Variants in KCNH1 observed in about 807,000 individuals in gnomAD.
KCNH1 encodes the protein voltage-gated delayed rectifier potassium channel KCNH1.
Under a neutral mutation model 69.2 loss-of-function variants are expected in KCNH1, and 27 were observed. The observed-to-expected ratio is 0.39, with a 90% CI of 0.29 to 0.54. The LOEUF (loss-of-function observed/expected upper bound fraction) is 0.54. Ranked by LOEUF, KCNH1 falls within the 20% of genes least tolerant of loss-of-function variation. The pLI, the probability that KCNH1 is intolerant of heterozygous loss-of-function variation, is 0.68. For synonymous variants in KCNH1, 456 were observed against 487.7 expected (o/e 0.93, Z 0.86); for missense variants, 798 against 1,261.6 (o/e 0.63, Z 5.57).
At chr1:210,818,709 A>C (rs762659556) in intron 7 of KCNH1, among the ~76,000 whole-genome samples, 2 of 152,216 alleles carry the variant, frequency 1.3e-5, no homozygotes, top group Non-Finnish European at 2.9e-5. Flanking sequence ...TCCCAGAACC[A>C]ACACATAAGA....
chr1:211,103,859 G>A (rs968535321), intron 2 of KCNH1, among the ~76,000 whole-genome samples: 1 of 152,220 alleles, frequency 6.6e-6, no homozygotes, highest in Non-Finnish European at 1.5e-5. Context: ...TTAGAGAACA[G>A]TGTGATCACT....
intron 7 of KCNH1, among the ~76,000 whole-genome samples, chr1:210,844,366 C>T (rs1685491560): frequency 1.3e-5 from 2 of 152,004 alleles, no homozygotes; most frequent in African/African-American, 4.8e-5. Flanking sequence ...ACTAAAAATA[C>T]AAAAAAATTA....
intron 6 of KCNH1, among the ~76,000 whole-genome samples, chr1:210,943,322 T>C (rs1207488064): frequency 1.3e-5 from 2 of 151,738 alleles, no homozygotes; most frequent in African/African-American, 4.8e-5. Context: ...TCTCCCCTTC[T>C]TTTTTTTATT....
In KCNH1 at chr1:210,979,222, G is replaced by A. The variant is rs1688668941; in HGVS notation, c.1032+39561C>T. ...CGATGCTAACAAAGCTGTAGTAGGA[G>A]GAGGGAAAATGAGAGGAATCTCAAG... On this transcript the variant is annotated intron_variant, in intron 6 of 10. Transcript: ENST00000271751. Among the ~76,000 whole-genome samples, 6 of 152,294 alleles carry A rather than the reference G, an allele frequency of 3.9e-5. No individual in the cohort carries two copies. The South Asian group carries it at 1.2e-3, about 32-fold the overall frequency.
At chr1:211,033,797 G>A (rs530828045) in intron 5 of KCNH1, among the ~76,000 whole-genome samples, 21 of 152,214 alleles carry the variant, frequency 1.4e-4, no homozygotes, top group African/African-American at 4.6e-4. Context: ...ATAGCATTAG[G>A]AGATATACCT....
At position 210,683,934 on chromosome 1, in the gene KCNH1, T is replaced by G; in HGVS notation, c.2317A>C (p.Thr773Pro). The part of the protein sequence containing the change: ...DLDVEKGNVL[T>P]EHASANHSLV... ...CTGTGGTTGGCGGAGGCATGCTCTG[T>G]AAGGACATTGCCCTTCTCCACATCT... Residue 773 changes from threonine to proline, a missense_variant, in exon 11 of 11, where the codon ACA (threonine) becomes CCA (proline). Physicochemically the swap from Thr to Pro is conservative, Grantham distance 38 (BLOSUM62 -1). Around this residue, in one of 4 missense-constraint regions of KCNH1, gnomAD observed 331 missense variants for 363.2 expected, o/e 0.91. Coordinates refer to ENST00000271751, the MANE Select transcript of KCNH1 (RefSeq NM_172362.3). This position sits in a 1 kb window ranked among gnomAD's most constrained non-coding sequence, Gnocchi z 5.7. The G allele has an allele frequency of 6.2e-7, 1 of 1,610,716 alleles. No homozygotes were observed. Among genetic ancestry groups the G allele is most frequent in the African/African-American group, 1.3e-5 (1 of 74,972 alleles).
intron 7 of KCNH1, among the ~76,000 whole-genome samples, chr1:210,874,025 C>T (rs1360758961): frequency 3.3e-5 from 5 of 152,070 alleles, no homozygotes; most frequent in South Asian, 2.1e-4. Flanking sequence ...GCCCTGCGCA[C>T]GTGACATAAT....
chr1:210,761,056 T>A (rs2102350760), intron 10 of KCNH1, among the ~76,000 whole-genome samples: 1 of 150,864 alleles, frequency 6.6e-6, no homozygotes, highest in Non-Finnish European at 1.5e-5. Context: ...ATCGAGACCA[T>A]CCCGGCTAAA....
chr1:210,912,556 C>G (rs1010599770), intron 7 of KCNH1, among the ~76,000 whole-genome samples: 61 of 152,296 alleles, frequency 4.0e-4, no homozygotes, highest in African/African-American at 1.3e-3. Flanking sequence ...AGCTGAGAAA[C>G]ATCATTGTTT....
At chr1:210,832,829 A>C (rs1367960006) in intron 7 of KCNH1, among the ~76,000 whole-genome samples, 1 of 150,914 alleles carries the variant, frequency 6.6e-6, no homozygotes, top group African/African-American at 2.4e-5. Context: ...ATATTATACA[A>C]TTAATCATAT....
intron 6 of KCNH1, among the ~76,000 whole-genome samples, chr1:210,931,419 GACAA>G (rs1271146280): frequency 2.0e-5 from 3 of 152,132 alleles, no homozygotes; most frequent in African/African-American, 7.2e-5. Context: ...CTCAAGAATG[GACAA>G]ACAAACATTG....
intron 7 of KCNH1, among the ~76,000 whole-genome samples, chr1:210,889,381 A>C (rs1289269581): frequency 6.6e-6 from 1 of 152,188 alleles, no homozygotes; most frequent in South Asian, 2.1e-4. Context: ...CTCTCAATAA[A>C]CTAGGTATTG....
chr1:210,920,136 C>A (rs754326959), intron 6 of KCNH1, 67 bp from the exon 7 acceptor site: 1 of 1,381,938 alleles, frequency 7.2e-7, no homozygotes. Context: ...CCCTCCGCCC[C>A]ACTTGGGCCA....
At chr1:210,922,399 A>ACCTG (rs1687480539) in intron 6 of KCNH1, among the ~76,000 whole-genome samples, 5 of 20,906 alleles carry the variant, frequency 2.4e-4, no homozygotes, top group Non-Finnish European at 4.5e-4. Flanking sequence ...AAAAAAAAAA[A>ACCTG]AAAAAAAAAA....
chr1:210,840,023 G>A (rs926601709), intron 7 of KCNH1, among the ~76,000 whole-genome samples: 4 of 152,202 alleles, frequency 2.6e-5, no homozygotes, highest in African/African-American at 9.6e-5. Flanking sequence ...GAGACAGACA[G>A]AGAGAGACAG....
intron 6 of KCNH1, among the ~76,000 whole-genome samples, chr1:210,982,283 CTTTAGGGTAAAGT>C (rs1688727022): frequency 6.6e-6 from 1 of 151,250 alleles, no homozygotes; most frequent in African/African-American, 2.4e-5. Context: ...GGGTAATAAA[CTTTAGGGTAAAGT>C]TTTAGGGTAC....
intron 6 of KCNH1, among the ~76,000 whole-genome samples, chr1:210,990,197 C>T (rs1429499486): frequency 6.6e-6 from 1 of 152,168 alleles, no homozygotes; most frequent in East Asian, 1.9e-4. Flanking sequence ...CCTTTATCAA[C>T]AGCTTGTTTC....
chr1:211,039,853 T>C (rs1689958653), intron 5 of KCNH1, among the ~76,000 whole-genome samples: 1 of 152,150 alleles, frequency 6.6e-6, no homozygotes, highest in Non-Finnish European at 1.5e-5. Context: ...TTGTCTCAGA[T>C]GAGACTTTGG....
rs1364615535 is a variant in KCNH1 at position 210,806,806 on chromosome 1, CCAAAAAAAAAA to C, written c.1463-2651_1463-2641del. On this transcript the variant is annotated intron_variant, in intron 7 of 10. Transcript: ENST00000271751. ...CCAATATGGTGAAACCCCATCTCTACCAAAAAAAAAAAAAAAAAAAAAAAAAAAAAATATAT... is the reference window on the plus strand; with the variant it reads ...CCAATATGGTGAAACCCCATCTCTACAAAAAAAAAAAAAAAAAAAATATAT... Among the ~76,000 whole-genome samples, 86 of 86,196 alleles carry C rather than the reference CCAAAAAAAAAA, an allele frequency of 1.0e-3. 6 individuals are homozygous for C. The highest frequency in any genetic ancestry group is 2.2e-3 in the African/African-American group (43 of 19,734). 56.5% of individuals were successfully genotyped at this position (86,196 alleles called of 152,430 possible). A position where few individuals can be genotyped will look rare whatever the true frequency, so the allele number is the denominator to read the frequency against.
Sources: allele counts gnomAD v4.1 joint callset (sites outside exome capture counted in the v4.1 genomes callset), GRCh38; gene constraint gnomAD v4.1.1; regional missense constraint gnomAD v4.1.1; non-coding constraint Gnocchi (gnomAD v3.1); transcripts MANE v1.5; gene names NCBI Gene and HGNC (gene_info 2026-07-23, HGNC 2026-07-21).